RHOU: variants seen among roughly 807,000 people sequenced by gnomAD.
RHOU encodes the protein ras homolog family member U.
RHOU carries 8 observed loss-of-function variants against 12.6 expected under a neutral mutation model. The ratio of observed to expected loss-of-function variants is 0.64; its 90% CI spans 0.37 to 1.15. RHOU has a LOEUF of 1.15. RHOU is among the 50% of genes most tolerant of loss of function. The pLI, the probability that RHOU is intolerant of heterozygous loss-of-function variation, is 0.01. For missense variants in RHOU, 258 were observed against 347.0 expected, an observed-to-expected ratio of 0.74 and a Z score of 2.04; for synonymous variants, 161 against 147.4, an observed-to-expected ratio of 1.09 and a Z score of -0.67.
chr1:228,739,633 T>C (rs1353175256), intron 2 of RHOU, among the ~76,000 whole-genome samples: 1 of 152,138 alleles, frequency 6.6e-6, no homozygotes, highest in Non-Finnish European at 1.5e-5. Context: ...AGTCAGACCC[T>C]GAGGATAAGA....
chr1:228,707,806 G>C, the RHOU span, among the ~76,000 whole-genome samples: 194 of 152,330 alleles, frequency 1.3e-3, 1 homozygote, highest in South Asian at 3.3e-3. Flanking sequence ...AAGCTGGACA[G>C]AGAATGACTT....
At chr1:228,695,201 C>T in the RHOU span, among the ~76,000 whole-genome samples, 1 of 152,158 alleles carries the variant, frequency 6.6e-6, no homozygotes, top group South Asian at 2.1e-4. Context: ...AACTCCTGAG[C>T]TCAAGCGATC....
chr1:228,730,547 ATG>A (rs1662475874), upstream of RHOU, among the ~76,000 whole-genome samples: 1 of 152,214 alleles, frequency 6.6e-6, no homozygotes, highest in Non-Finnish European at 1.5e-5. Flanking sequence ...TCTGAGAATC[ATG>A]TCTCCGGACA....
At chr1:228,733,027 G>T (rs1246904338), upstream of RHOU, among the ~76,000 whole-genome samples, 5 of 152,138 alleles carry the variant, frequency 3.3e-5, no homozygotes, top group Non-Finnish European at 7.4e-5. Context: ...CATACCCTTT[G>T]ATCACTTCTT....
At position 228,743,540 on chromosome 1, in the gene RHOU, G is replaced by A. The variant is rs1312219297; in HGVS notation, c.577G>A (p.Glu193Lys). ...TGAAGAGGCGGCTAAGCTGTGCGCCGAGGAAATCAAAGCCGCCTCCTACAT... is the reference window on the plus strand; with the variant it reads ...TGAAGAGGCGGCTAAGCTGTGCGCCAAGGAAATCAAAGCCGCCTCCTACAT... Reference protein sequence around the residue: ...VPEEAAKLCAEEIKAASYIEC... With the variant: ...VPEEAAKLCAKEIKAASYIEC... The change falls in exon 3 of 3, where the codon GAG (glutamate) becomes AAG (lysine). Residue 193 changes from glutamate to lysine, a missense_variant. Coordinates refer to ENST00000366691, the MANE Select transcript of RHOU (RefSeq NM_021205.6). The surrounding 1 kb of genome is among the most constrained non-coding windows in gnomAD (Gnocchi z 5.1). The A allele has an allele frequency of 3.0e-5, 48 of 1,614,064 alleles. No homozygotes were observed. The Admixed American group carries it at 6.2e-4, about 21-fold the overall frequency.
the RHOU span, among the ~76,000 whole-genome samples, chr1:228,656,878 AGATG>A: frequency 3.9e-5 from 6 of 152,242 alleles, no homozygotes; most frequent in Non-Finnish European, 1.5e-5. Flanking sequence ...TTCAGTCAAA[AGATG>A]GAGATTGGCA....
At chr1:228,666,965 C>T in the RHOU span, among the ~76,000 whole-genome samples, 2 of 152,134 alleles carry the variant, frequency 1.3e-5, no homozygotes, top group Non-Finnish European at 2.9e-5. Flanking sequence ...TTTCTTGTGC[C>T]TCATCTAGCA....
At chr1:228,712,781 G>A in the RHOU span, among the ~76,000 whole-genome samples, 70 of 150,118 alleles carry the variant, frequency 4.7e-4, 1 homozygote, top group Non-Finnish European at 7.2e-4. Context: ...TGCACATTGT[G>A]CACATGTACC....
the RHOU span, among the ~76,000 whole-genome samples, chr1:228,668,824 T>C: frequency 0.031 from 4,797 of 152,322 alleles, 259 homozygotes; most frequent in African/African-American, 0.11. Context: ...CCTGGAAGGC[T>C]TGAGCCAGCA....
At chr1:228,664,664 G>A in the RHOU span, among the ~76,000 whole-genome samples, 2 of 151,948 alleles carry the variant, frequency 1.3e-5, no homozygotes, top group African/African-American at 4.8e-5. Context: ...ACAGAGGTTT[G>A]TCCTTGTTGC....
chr1:228,698,670 T>G, the RHOU span, among the ~76,000 whole-genome samples: 1 of 152,126 alleles, frequency 6.6e-6, no homozygotes, highest in African/African-American at 2.4e-5. Flanking sequence ...TCCAGAAGAG[T>G]GAAGGCCTCC....
chr1:228,734,934 T>G (rs1662561150), upstream of RHOU: 1 of 149,828 alleles, frequency 6.7e-6, no homozygotes, highest in Non-Finnish European at 1.5e-5. Context: ...GCTGGCATCC[T>G]TTTGCTTCAA....
chr1:228,674,835 G>T, the RHOU span, among the ~76,000 whole-genome samples: 3 of 151,676 alleles, frequency 2.0e-5, no homozygotes, highest in African/African-American at 7.3e-5. Flanking sequence ...GGTTCACGCC[G>T]TTCTCCTGTC....
At chr1:228,715,760 A>G in the RHOU span, among the ~76,000 whole-genome samples, 1 of 151,722 alleles carries the variant, frequency 6.6e-6, no homozygotes, top group African/African-American at 2.4e-5. Flanking sequence ...GGAATTACTA[A>G]TCTCCCATTA....
the RHOU span, among the ~76,000 whole-genome samples, chr1:228,705,001 C>T: frequency 6.6e-6 from 1 of 151,952 alleles, no homozygotes; most frequent in Middle Eastern, 3.2e-3. Context: ...GGGGTTTCAC[C>T]ATGTAGGCCA....
chr1:228,731,618 A>C (rs1408010761), upstream of RHOU, among the ~76,000 whole-genome samples: 2 of 152,242 alleles, frequency 1.3e-5, no homozygotes, highest in Non-Finnish European at 2.9e-5. Context: ...AGGCAGAAAA[A>C]TAAACATCCT....
rs1662761082 is a variant in RHOU, at chr1:228,743,306, C to A, written c.343C>A (p.Pro115Thr). Residue 115 changes from proline to threonine, a missense_variant, in exon 3 of 3, where the codon CCT becomes ACT. Transcript: ENST00000366691. This position sits in a 1 kb window ranked among gnomAD's most constrained non-coding sequence, Gnocchi z 5.1. ...AGQDEFDKLR[P>T]LCYTNTDIFL... ...GCAGGATGAATTTGACAAGCTGAGG[C>A]CTCTCTGCTACACCAACACAGACAT... 1 of 1,613,532 alleles carries A rather than the reference C, an allele frequency of 6.2e-7. No homozygotes were observed. The highest frequency in any genetic ancestry group is 1.3e-5 in the African/African-American group (1 of 74,912).
chr1:228,703,201 A>G, the RHOU span, among the ~76,000 whole-genome samples: 1 of 152,144 alleles, frequency 6.6e-6, no homozygotes, highest in Admixed American at 6.5e-5. Flanking sequence ...TTCAAATGGA[A>G]ATTTCTTTTA....
chr1:228,699,245 A>G, the RHOU span, among the ~76,000 whole-genome samples: 1 of 151,694 alleles, frequency 6.6e-6, no homozygotes, highest in African/African-American at 2.4e-5. Flanking sequence ...CAGGAGTTCA[A>G]GACCAATCTG....
Sources: allele counts gnomAD v4.1 joint callset (sites outside exome capture counted in the v4.1 genomes callset), GRCh38; gene constraint gnomAD v4.1.1; non-coding constraint Gnocchi (gnomAD v3.1); transcripts MANE v1.5; gene names NCBI Gene and HGNC (gene_info 2026-07-23, HGNC 2026-07-21).